PDE4D: variants seen among roughly 807,000 people sequenced by gnomAD.
PDE4D encodes the protein phosphodiesterase 4D.
Under a neutral mutation model 87.4 loss-of-function variants are expected in PDE4D, and 24 were observed. That is an observed-to-expected ratio of 0.27 (90% CI 0.20 to 0.39). PDE4D has a LOEUF of 0.39. PDE4D is among the 10% of genes least tolerant of loss of function. The probability of loss-of-function intolerance (pLI) is 1.00; values close to 1 mark genes in which losing one functional copy is unlikely to be tolerated. For missense variants in PDE4D, 714 were observed against 1,041.0 expected (o/e 0.69, Z 4.32); for synonymous variants, 384 against 383.2 (o/e 1.00, Z -0.02).
chr5:59,829,001 A>G (rs1770657914), intron 1 of PDE4D, among the ~76,000 whole-genome samples: 1 of 152,108 alleles, frequency 6.6e-6, no homozygotes, highest in African/African-American at 2.4e-5. Context: ...TGCAGGGGTA[A>G]TAGAAGTCAT....
At chr5:60,470,547 A>G (rs984798102) in intron 1 of PDE4D, among the ~76,000 whole-genome samples, 4 of 152,314 alleles carry the variant, frequency 2.6e-5, no homozygotes, top group Middle Eastern at 3.4e-3. Flanking sequence ...GTCAATTCCT[A>G]GTTTCAAAGC....
At position 58,969,091 on chromosome 5, in the gene PDE4D, T is replaced by A. The variant is rs1742169718; in HGVS notation, c.*5573A>T. The A allele has an allele frequency of 6.6e-6, 1 of 152,206 alleles. No individual in the cohort carries two copies. Among genetic ancestry groups the A allele is most frequent in the Non-Finnish European group, 1.5e-5 (1 of 68,032 alleles). 9.4% of individuals were successfully genotyped at this position (152,206 alleles called of 1,614,324 possible). A position where few individuals can be genotyped will look rare whatever the true frequency, so the allele number is the denominator to read the frequency against. The stretch of plus-strand genomic sequence containing the variant: ...TAATATCTCAAAATATCTTATCAGA[T>A]TGAATTATATCCAATATCAATTTGA... On this transcript the variant is annotated 3_prime_UTR_variant, in exon 15 of 15. Coordinates refer to ENST00000340635, the MANE Select transcript of PDE4D (RefSeq NM_001104631.2).
At chr5:60,442,198 C>G (rs1387453137) in intron 1 of PDE4D, among the ~76,000 whole-genome samples, 1 of 152,108 alleles carries the variant, frequency 6.6e-6, no homozygotes, top group Non-Finnish European at 1.5e-5. Flanking sequence ...CCCAAATGCC[C>G]ATCAATGATA....
At chr5:59,778,025 T>C (rs1018714328) in intron 1 of PDE4D, among the ~76,000 whole-genome samples, 2 of 152,234 alleles carry the variant, frequency 1.3e-5, no homozygotes, top group Non-Finnish European at 1.5e-5. Flanking sequence ...TTAAGACTTA[T>C]AGACTGTTTT....
chr5:59,535,088 C>G, intron 1 of PDE4D, among the ~76,000 whole-genome samples: 1 of 147,222 alleles, frequency 6.8e-6, no homozygotes, highest in African/African-American at 2.5e-5. Context: ...GGGGGGGGGT[C>G]CTCTATCATG....
intron 1 of PDE4D, among the ~76,000 whole-genome samples, chr5:59,277,501 A>C (rs899108418): frequency 6.6e-6 from 1 of 152,148 alleles, no homozygotes; most frequent in Admixed American, 6.6e-5. Context: ...TTAGAGGAAG[A>C]GGTTTAATTT....
chr5:59,696,772 T>G (rs1035094788), intron 1 of PDE4D, among the ~76,000 whole-genome samples: 3 of 152,194 alleles, frequency 2.0e-5, no homozygotes, highest in African/African-American at 2.4e-5. Flanking sequence ...ACTTGTATTA[T>G]TTTTTTAAGT....
chr5:59,630,027 T>C (rs1561361292), intron 1 of PDE4D, among the ~76,000 whole-genome samples: 1 of 152,216 alleles, frequency 6.6e-6, no homozygotes, highest in East Asian at 1.9e-4. Context: ...GTCTATACCG[T>C]AGTTTCAGTT....
At chr5:59,443,460 G>C (rs1797928719) in intron 1 of PDE4D, among the ~76,000 whole-genome samples, 1 of 152,160 alleles carries the variant, frequency 6.6e-6, no homozygotes, top group African/African-American at 2.4e-5. Context: ...TTCCTGAACA[G>C]CATGTTCCAT....
intron 2 of PDE4D, among the ~76,000 whole-genome samples, chr5:60,092,546 A>T (rs1562083124): frequency 6.6e-6 from 1 of 151,536 alleles, no homozygotes; most frequent in Non-Finnish European, 1.5e-5. Flanking sequence ...TATCACATGT[A>T]CCCTGTAAAT....
intron 1 of PDE4D, chr5:60,430,002 A>G (rs1044386219): frequency 8.6e-5 from 45 of 520,904 alleles, no homozygotes; most frequent in South Asian, 6.1e-4. Context: ...TATCTTCATT[A>G]CATTTTCTGG....
chr5:60,433,724 T>C (rs1397098061), intron 1 of PDE4D, among the ~76,000 whole-genome samples: 2 of 152,268 alleles, frequency 1.3e-5, no homozygotes, highest in Admixed American at 1.3e-4. Flanking sequence ...ATATACATTA[T>C]GGAATACTAT....
At chr5:59,041,134 C>T (rs1332463546) in intron 5 of PDE4D, among the ~76,000 whole-genome samples, 1 of 152,046 alleles carries the variant, frequency 6.6e-6, no homozygotes, top group Non-Finnish European at 1.5e-5. Flanking sequence ...ATTAAAGTTT[C>T]AGATTGAAGC....
At chr5:59,412,290 G>T (rs1024477843) in intron 1 of PDE4D, among the ~76,000 whole-genome samples, 1 of 151,998 alleles carries the variant, frequency 6.6e-6, no homozygotes, top group Admixed American at 6.6e-5. Context: ...ACTTATAAAG[G>T]CTACTTCTGT....
chr5:60,349,488 T>A (rs182759776), intron 1 of PDE4D, among the ~76,000 whole-genome samples: 1 of 152,180 alleles, frequency 6.6e-6, no homozygotes, highest in African/African-American at 2.4e-5. Flanking sequence ...AATTTAAAGA[T>A]CGAATCATGC....
At chr5:59,163,129 G>C (rs1781391507) in intron 5 of PDE4D, among the ~76,000 whole-genome samples, 1 of 138,962 alleles carries the variant, frequency 7.2e-6, no homozygotes, top group Non-Finnish European at 1.5e-5. Context: ...TTTTTCAGTA[G>C]AGACGGGGGT....
At chr5:59,582,143 G>C (rs1824269776) in intron 1 of PDE4D, among the ~76,000 whole-genome samples, 1 of 152,084 alleles carries the variant, frequency 6.6e-6, no homozygotes, top group Non-Finnish European at 1.5e-5. Flanking sequence ...AAGAAGCAAG[G>C]TCAGCTATTA....
At chr5:58,993,842 C>T (rs1467727767) in intron 6 of PDE4D, among the ~76,000 whole-genome samples, 2 of 151,806 alleles carry the variant, frequency 1.3e-5, no homozygotes, top group Non-Finnish European at 2.9e-5. Context: ...GAGAAATAAG[C>T]AAAGAAAAGG....
chr5:59,521,753 T>C (rs1812283671), intron 1 of PDE4D, among the ~76,000 whole-genome samples: 1 of 152,186 alleles, frequency 6.6e-6, no homozygotes, highest in Non-Finnish European at 1.5e-5. Context: ...TACAGTTAAG[T>C]TTATGTCCTC....
Sources: gnomAD v4.1 joint callset for allele counts (sites outside exome capture counted in the v4.1 genomes callset) on GRCh38, gnomAD v4.1.1 for gene constraint, MANE v1.5 for transcripts, NCBI Gene and HGNC (gene_info 2026-07-23, HGNC 2026-07-21) for gene names.